The following ERMAP variants were observed in gnomAD, a reference collection of about 807,000 sequenced individuals.
ERMAP encodes the protein erythroid membrane-associated protein.
Under a neutral mutation model 49.5 loss-of-function variants are expected in ERMAP, and 34 were observed. The observed-to-expected ratio is 0.69, with a 90% CI of 0.52 to 0.91. The LOEUF is 0.91. Ranked by LOEUF, ERMAP falls within the 40% of genes least tolerant of loss-of-function variation. The pLI, the probability that ERMAP is intolerant of heterozygous loss-of-function variation, is 0.00. For synonymous variants in ERMAP, 214 were observed against 232.2 expected, an observed-to-expected ratio of 0.92 and a Z score of 0.71; for missense variants, 541 against 582.6, an observed-to-expected ratio of 0.93 and a Z score of 0.74.
At chr1:42,817,939 A>G (rs1654291671) in intron 1 of ERMAP, 1 of 152,250 alleles carries the variant, frequency 6.6e-6, no homozygotes, top group African/African-American at 2.4e-5. Flanking sequence ...AAGTGTGTAT[A>G]ATGTATACGT....
intron 2 of ERMAP, chr1:42,829,967 G>C (rs551984772): frequency 1.1e-3 from 180 of 160,582 alleles, no homozygotes; most frequent in African/African-American, 4.2e-3. Flanking sequence ...AACTGGAAAA[G>C]GCTGTCAGGG....
chr1:42,824,356 A>AG (rs1654483830), intron 1 of ERMAP: 1 of 152,100 alleles, frequency 6.6e-6, no homozygotes, highest in East Asian at 1.9e-4. Flanking sequence ...TCAAAAAAAA[A>AG]AAAAGAATGT....
Position 42,830,864 on chromosome 1 carries a change from A to G in ERMAP, c.182A>G (p.Lys61Arg), listed in dbSNP as rs375125882. 9 of 1,611,784 alleles carry G rather than the reference A, an allele frequency of 5.6e-6. No individual in the cohort carries two copies. ...PLSLWPGTVPKEVRWLRSPFP... is the reference protein window; with the variant it reads ...PLSLWPGTVPREVRWLRSPFP... ...TCCCTCTGGCCCGGGACGGTACCCAAGGAGGTGAGGTGGCTGCGGTCCCCA... is the reference window on the plus strand; with the variant it reads ...TCCCTCTGGCCCGGGACGGTACCCAGGGAGGTGAGGTGGCTGCGGTCCCCA... Residue 61 changes from lysine (K) to arginine (R), a missense_variant, in exon 4 of 12, where the codon AAG becomes AGG. Physicochemically the swap from Lys to Arg is conservative, Grantham distance 26 (BLOSUM62 2). Coordinates refer to ENST00000372517, the MANE Select transcript of ERMAP (RefSeq NM_001017922.2).
intron 8 of ERMAP, 150 bp from the exon 9 acceptor site, chr1:42,839,883 C>A (rs1655007687): frequency 1.3e-6 from 1 of 772,404 alleles, no homozygotes; most frequent in Non-Finnish European, 2.2e-6. Context: ...CAGCTGGGAT[C>A]TACTGCTCTT....
At chr1:42,817,276 C>G in intron 1 of ERMAP, 23 bp downstream of exon 1, 1 of 1,232,912 alleles carries the variant, frequency 8.1e-7, no homozygotes, top group Non-Finnish European at 1.0e-6. Flanking sequence ...TTCCCCCGAC[C>G]ACTGGACCCA....
At chr1:42,832,463 G>A (rs1339628757) in intron 4 of ERMAP, among the ~76,000 whole-genome samples, 1 of 152,050 alleles carries the variant, frequency 6.6e-6, no homozygotes, top group Non-Finnish European at 1.5e-5. Flanking sequence ...CGCCTCCCAG[G>A]TTCAAGTGAT....
rs768305324 is a variant in ERMAP at position 42,835,750 on chromosome 1, A to C, written c.569A>C (p.His190Pro). 6.2e-7 allele frequency: 1 copy of C among 1,610,304 alleles called. No individual in the cohort carries two copies. The highest frequency in any genetic ancestry group is 8.5e-7 in the Non-Finnish European group (1 of 1,178,394). Residue 190 changes from histidine (H) to proline (P), a missense_variant, in exon 6 of 12, where the codon CAT becomes CCT. Transcript: ENST00000372517. ...RRAKEKLLYEHVTEVDNLLSD... is the reference protein window; with the variant it reads ...RRAKEKLLYEPVTEVDNLLSD... ...CTTTTAGAAAAGCTTCTCTATGAAC[A>C]TGTGACGGAGGTGGGTAAGTGTTCT...
chr1:42,825,136 C>G (rs1219239610), intron 1 of ERMAP, among the ~76,000 whole-genome samples: 1 of 152,118 alleles, frequency 6.6e-6, no homozygotes, highest in Non-Finnish European at 1.5e-5. Flanking sequence ...GAACATACAG[C>G]TAAGGATATT....
chr1:42,830,236 T>A (rs1417359551), intron 2 of ERMAP: 1 of 581,144 alleles, frequency 1.7e-6, no homozygotes, highest in Non-Finnish European at 3.1e-6. Flanking sequence ...CACAGTTCTT[T>A]TACCCATTTT....
At position 42,819,547 on chromosome 1, in the gene ERMAP, A is replaced by G. The variant is rs546657027; in HGVS notation, c.-122+2294A>G. On this transcript the variant is annotated intron_variant, in intron 1 of 11. Coordinates refer to ENST00000372517, the MANE Select transcript of ERMAP (RefSeq NM_001017922.2). The surrounding 1 kb of genome is among the most constrained non-coding windows in gnomAD (Gnocchi z 5.1). ...AAGAGTTTATAGTAATATAACTAGA[A>G]TATTTTTACAGTTGAGGTATATACT... Among the ~76,000 whole-genome samples the G allele has an allele frequency of 7.2e-4, 109 of 152,318 alleles. No individual in the cohort carries two copies. The highest frequency in any genetic ancestry group is 2.6e-3 in the African/African-American group (108 of 41,554).
intron 2 of ERMAP, among the ~76,000 whole-genome samples, chr1:42,827,889 T>C (rs1654599084): frequency 1.3e-5 from 2 of 152,166 alleles, no homozygotes; most frequent in Admixed American, 6.6e-5. Flanking sequence ...GTGTGTATGA[T>C]TGCCTTTCCT....
At chr1:42,820,493 C>T (rs945069823) in intron 1 of ERMAP, among the ~76,000 whole-genome samples, 1 of 151,088 alleles carries the variant, frequency 6.6e-6, no homozygotes, top group Non-Finnish European at 1.5e-5. Flanking sequence ...CCAAAGTACT[C>T]AGATTACAGG....
chr1:42,842,379 G>A (rs901453666), intron 11 of ERMAP, 138 bp from the exon 12 acceptor site: 22 of 683,476 alleles, frequency 3.2e-5, no homozygotes, highest in Non-Finnish European at 5.1e-5. Flanking sequence ...CAGTACACAT[G>A]GTGGGGGCGG....
At position 42,842,996 on chromosome 1, in the gene ERMAP, T is replaced by G; in HGVS notation, c.1192T>G (p.Cys398Gly). ...SGPLRPFFEP[C>G]LHDGGKNTAP... Reference sequence around the variant, plus strand: ...CCCCCTTCGCCCTTTCTTTGAACCTTGCCTTCATGATGGAGGAAAAAACAC... The same window carrying G: ...CCCCCTTCGCCCTTTCTTTGAACCTGGCCTTCATGATGGAGGAAAAAACAC... Residue 398 changes from cysteine (C) to glycine (G), a missense_variant, in exon 12 of 12, where the codon TGC (cysteine) becomes GGC (glycine). Coordinates refer to ENST00000372517, the MANE Select transcript of ERMAP (RefSeq NM_001017922.2). 6.2e-7 allele frequency: 1 copy of G among 1,614,198 alleles called. No individual in the cohort carries two copies. The highest frequency in any genetic ancestry group is 8.5e-7 in the Non-Finnish European group (1 of 1,180,036).
rs369458235 is a variant in ERMAP at position 42,838,882 on chromosome 1, C to T, written c.617-19C>T. 8 of 1,614,000 alleles carry T rather than the reference C, an allele frequency of 5.0e-6. No individual in the cohort carries two copies. The African/African-American group carries it at 9.3e-5, about 19-fold the overall frequency. ...GCAGGATCTGATCACTCACTCTTCT[C>T]TCTCTTTCTGGTTTTTAGGAAAACT... On this transcript the variant is annotated intron_variant, in intron 7 of 11. Coordinates refer to ENST00000372517, the MANE Select transcript of ERMAP (RefSeq NM_001017922.2).
intron 2 of ERMAP, among the ~76,000 whole-genome samples, chr1:42,827,886 T>C (rs1415923549): frequency 6.6e-6 from 1 of 152,192 alleles, no homozygotes. Context: ...GAAGTGTGTA[T>C]GATTGCCTTT....
intron 5 of ERMAP, 114 bp from the exon 6 acceptor site, chr1:42,835,618 C>G: frequency 7.3e-7 from 1 of 1,374,874 alleles, no homozygotes. Context: ...TGCCCGCTTA[C>G]CTGTAGTGAC....
At chr1:42,833,105 C>A (rs1379905177) in intron 4 of ERMAP, among the ~76,000 whole-genome samples, 2 of 152,210 alleles carry the variant, frequency 1.3e-5, no homozygotes, top group African/African-American at 2.4e-5. Flanking sequence ...GGCCCTTGGC[C>A]AAGAGAAGAC....
At position 42,840,276 on chromosome 1, in the gene ERMAP, G is replaced by A; in HGVS notation, c.692G>A (p.Arg231Lys). ...CCCTTTTCTCATTTTTCAGGCTGGA[G>A]AAGAGCCCGGTTGCATTTTGGTAAG... ...LKRAAANSGW[R>K]RARLHFVAVT... Residue 231 changes from arginine (R) to lysine (K), a missense_variant, in exon 11 of 12, where the codon AGA becomes AAA. By Grantham distance (26) the Arg-to-Lys change is conservative (BLOSUM62 2). Coordinates refer to ENST00000372517, the MANE Select transcript of ERMAP (RefSeq NM_001017922.2). 6.2e-7 allele frequency: 1 copy of A among 1,614,166 alleles called. No homozygotes were observed. Among genetic ancestry groups the A allele is most frequent in the Admixed American group, 1.7e-5 (1 of 60,022 alleles).
Sources: gnomAD v4.1 joint callset for allele counts (sites outside exome capture counted in the v4.1 genomes callset) on GRCh38, gnomAD v4.1.1 for gene constraint, Gnocchi (gnomAD v3.1) non-coding constraint, MANE v1.5 for transcripts, NCBI Gene and HGNC (gene_info 2026-07-23, HGNC 2026-07-21) for gene names.